ZBTB20: variants seen among roughly 807,000 people sequenced by gnomAD.
ZBTB20 encodes the protein zinc finger and BTB domain containing 20.
In ZBTB20, 9 loss-of-function variants were observed where a neutral mutation model predicts 56.9. The observed-to-expected ratio is 0.16, with a 90% CI of 0.10 to 0.28. ZBTB20 has a LOEUF of 0.28. Ranked by LOEUF, ZBTB20 falls within the 10% of genes least tolerant of loss-of-function variation. ZBTB20 has a pLI of 1.00. For synonymous variants in ZBTB20, 417 were observed against 420.7 expected, an observed-to-expected ratio of 0.99 and a Z score of 0.11; for missense variants, 655 against 1,003.0, an observed-to-expected ratio of 0.65 and a Z score of 4.69.
chr3:115,130,679 A>G (rs540266352), intron 1 of ZBTB20, among the ~76,000 whole-genome samples: 1 of 152,366 alleles, frequency 6.6e-6, no homozygotes, highest in Admixed American at 6.5e-5. Flanking sequence ...GGAAAAAAAC[A>G]ATCTGCTTGG....
intron 3 of ZBTB20, among the ~76,000 whole-genome samples, chr3:114,934,890 C>G (rs1323972149): frequency 6.6e-6 from 1 of 152,112 alleles, no homozygotes; most frequent in East Asian, 1.9e-4. Flanking sequence ...AAAAGATTTT[C>G]ATAAGTAAAA....
intron 6 of ZBTB20, among the ~76,000 whole-genome samples, chr3:114,569,820 AG>A (rs1338399145): frequency 6.6e-6 from 1 of 152,178 alleles, no homozygotes; most frequent in African/African-American, 2.4e-5. Context: ...AGGACTGAAC[AG>A]GGCACCATCT....
chr3:114,417,171 A>G (rs1293964359), intron 7 of ZBTB20, among the ~76,000 whole-genome samples: 1 of 152,120 alleles, frequency 6.6e-6, no homozygotes, highest in African/African-American at 2.4e-5. Flanking sequence ...TGGCCCTCGT[A>G]TAACTCAAAA....
At chr3:114,798,621 G>A (rs1267635206) in intron 5 of ZBTB20, among the ~76,000 whole-genome samples, 2 of 151,892 alleles carry the variant, frequency 1.3e-5, no homozygotes, top group African/African-American at 4.8e-5. Flanking sequence ...TGTAACCTTT[G>A]TGCCCTACCC....
intron 5 of ZBTB20, among the ~76,000 whole-genome samples, chr3:114,744,181 T>C (rs1044984981): frequency 2.0e-5 from 3 of 152,210 alleles, no homozygotes; most frequent in Non-Finnish European, 4.4e-5. Context: ...TTGACTTCTA[T>C]ACTTCTGGGC....
chr3:114,925,667 C>G (rs1388723401), intron 3 of ZBTB20, among the ~76,000 whole-genome samples: 2 of 152,074 alleles, frequency 1.3e-5, no homozygotes, highest in Non-Finnish European at 2.9e-5. Context: ...GCTGGGACTA[C>G]AGGCGCCCGC....
At chr3:115,097,417 C>G (rs1481636413) in intron 1 of ZBTB20, among the ~76,000 whole-genome samples, 1 of 151,856 alleles carries the variant, frequency 6.6e-6, no homozygotes, top group Non-Finnish European at 1.5e-5. Flanking sequence ...CTCCCGACCT[C>G]GTGATCTGCC....
chr3:114,987,962 TTGTCTAGGTACAAAC>T (rs2078617871), intron 2 of ZBTB20, among the ~76,000 whole-genome samples: 1 of 152,140 alleles, frequency 6.6e-6, no homozygotes, highest in Admixed American at 6.6e-5. Context: ...AAGGTAAGTC[TTGTCTAGGTACAAAC>T]TGTCTTATCA....
chr3:115,087,835 C>T (rs1197411068), intron 1 of ZBTB20, among the ~76,000 whole-genome samples: 5 of 151,936 alleles, frequency 3.3e-5, no homozygotes, highest in African/African-American at 1.2e-4. Context: ...GTTATTTTCC[C>T]TCCTTTTTCC....
At chr3:114,456,197 GTA>G (rs562329000) in intron 7 of ZBTB20, among the ~76,000 whole-genome samples, 22 of 149,286 alleles carry the variant, frequency 1.5e-4, no homozygotes, top group South Asian at 2.1e-4. Context: ...GTGTGTTTAT[GTA>G]TATATATATA....
At chr3:114,417,630 T>C (rs2088705142) in intron 7 of ZBTB20, among the ~76,000 whole-genome samples, 1 of 152,096 alleles carries the variant, frequency 6.6e-6, no homozygotes. Context: ...TCTGAACAGT[T>C]CTTGTTTGCA....
chr3:114,377,761 C>T (rs558618822), intron 10 of ZBTB20, among the ~76,000 whole-genome samples: 6 of 152,286 alleles, frequency 3.9e-5, no homozygotes, highest in African/African-American at 1.4e-4. Context: ...GAGTTAACCA[C>T]AAGCGAGTCT....
chr3:114,350,484 G>A lies in ZBTB20; in HGVS notation c.1594C>T (p.Leu532=), dbSNP rs376663972. The change falls in exon 11 of 12, where the codon CTG becomes TTG. Residue 532 remains leucine (L), a synonymous_variant. Coordinates refer to ENST00000675478, the MANE Select transcript of ZBTB20 (RefSeq NM_001348800.3). ...ACAAACTGGGTCTGCTGGCCTGCCAGGGGCTGTGGCAGGCTGAAGAGGAAA... is the reference window on the plus strand; with the variant it reads ...ACAAACTGGGTCTGCTGGCCTGCCAAGGGCTGTGGCAGGCTGAAGAGGAAA... ...KPFLFSLPQP[L]AGQQTQFVTV... is the part of the protein sequence containing the mutation. 1 of 1,614,040 alleles carries A rather than the reference G, an allele frequency of 6.2e-7. No individual in the cohort carries two copies. The highest frequency in any genetic ancestry group is 1.3e-5 in the African/African-American group (1 of 74,934).
chr3:115,104,838 C>A (rs1429406125), intron 1 of ZBTB20, among the ~76,000 whole-genome samples: 1 of 152,014 alleles, frequency 6.6e-6, no homozygotes, highest in African/African-American at 2.4e-5. Flanking sequence ...CAAGAGTGAA[C>A]CTTAATGTAA....
chr3:115,126,724 T>C (rs1231191094), intron 1 of ZBTB20, among the ~76,000 whole-genome samples: 1 of 152,190 alleles, frequency 6.6e-6, no homozygotes, highest in Non-Finnish European at 1.5e-5. Context: ...AGCTGTATTA[T>C]TTATGAAAAA....
At chr3:114,458,740 T>A (rs995493118) in intron 7 of ZBTB20, among the ~76,000 whole-genome samples, 6 of 151,888 alleles carry the variant, frequency 4.0e-5, no homozygotes, top group Non-Finnish European at 7.4e-5. Flanking sequence ...TTTTTTTTTT[T>A]ATCTCCAAAC....
intron 7 of ZBTB20, among the ~76,000 whole-genome samples, chr3:114,484,480 C>G (rs1160353061): frequency 6.6e-6 from 1 of 152,150 alleles, no homozygotes. Context: ...CAGGTATATA[C>G]TGCAATACAC....
chr3:114,656,188 T>A (rs1443392283), intron 6 of ZBTB20, among the ~76,000 whole-genome samples: 2 of 152,214 alleles, frequency 1.3e-5, no homozygotes. Flanking sequence ...ATCTATTGTT[T>A]CCACCCTTAG....
At chr3:115,125,097 C>A (rs1299155662) in intron 1 of ZBTB20, among the ~76,000 whole-genome samples, 2 of 151,934 alleles carry the variant, frequency 1.3e-5, no homozygotes, top group African/African-American at 2.4e-5. Flanking sequence ...AATCCCAGCA[C>A]TTTGGAAAAC....
Sources: gnomAD v4.1 joint callset for allele counts (sites outside exome capture counted in the v4.1 genomes callset) on GRCh38, gnomAD v4.1.1 for gene constraint, MANE v1.5 for transcripts, NCBI Gene and HGNC (gene_info 2026-07-23, HGNC 2026-07-21) for gene names.